Variants in JAK1 observed in about 807,000 individuals in gnomAD.
JAK1 encodes Janus kinase 1.
Under a neutral mutation model 136.6 loss-of-function variants are expected in JAK1, and 16 were observed. That is an observed-to-expected ratio of 0.12 (90% CI 0.08 to 0.18). The LOEUF (loss-of-function observed/expected upper bound fraction) is 0.18. Ranked by LOEUF, JAK1 falls within the 10% of genes least tolerant of loss-of-function variation. JAK1 has a pLI of 1.00. For synonymous variants in JAK1, 492 were observed against 519.5 expected, an observed-to-expected ratio of 0.95 and a Z score of 0.72; for missense variants, 859 against 1,450.1, an observed-to-expected ratio of 0.59 and a Z score of 6.62.
chr1:65,054,393 A>G (rs1361667696), intron 1 of JAK1, among the ~76,000 whole-genome samples: 1 of 152,122 alleles, frequency 6.6e-6, no homozygotes. Flanking sequence ...ATGCTGCTTT[A>G]GTCTCTTATA....
At chr1:64,853,485 T>C (rs564760936) in intron 11 of JAK1, among the ~76,000 whole-genome samples, 2 of 152,184 alleles carry the variant, frequency 1.3e-5, no homozygotes, top group African/African-American at 4.8e-5. Context: ...CTGGGTTATT[T>C]TGAGGACTAA....
intron 1 of JAK1, among the ~76,000 whole-genome samples, chr1:64,925,184 G>T (rs1298238710): frequency 1.3e-5 from 2 of 151,708 alleles, no homozygotes; most frequent in African/African-American, 4.8e-5. Context: ...ATCACCTGAG[G>T]TCAAGAGTTC....
chr1:64,921,962 T>C (rs1049891371), intron 1 of JAK1, among the ~76,000 whole-genome samples: 1 of 151,936 alleles, frequency 6.6e-6, no homozygotes, highest in African/African-American at 2.4e-5. Flanking sequence ...AGTAACTGGC[T>C]GCAAATCACA....
At chr1:64,911,398 T>C (rs1337583905) in intron 1 of JAK1, among the ~76,000 whole-genome samples, 4 of 152,194 alleles carry the variant, frequency 2.6e-5, no homozygotes, top group South Asian at 4.1e-4. Flanking sequence ...CAGAGACATA[T>C]GGTCACTCTC....
intron 1 of JAK1, among the ~76,000 whole-genome samples, chr1:64,931,842 CAG>C (rs1645698920): frequency 6.6e-6 from 1 of 152,036 alleles, no homozygotes; most frequent in Non-Finnish European, 1.5e-5. Flanking sequence ...TGTACACACA[CAG>C]AGATCTAGCT....
intron 2 of JAK1, among the ~76,000 whole-genome samples, chr1:65,007,525 A>G (rs1020993496): frequency 1.3e-5 from 2 of 151,966 alleles, no homozygotes; most frequent in African/African-American, 4.8e-5. Flanking sequence ...CAATGGTGCA[A>G]TCTCAGCTCA....
intron 2 of JAK1, among the ~76,000 whole-genome samples, chr1:64,982,531 C>T (rs1000389848): frequency 6.6e-6 from 1 of 152,098 alleles, no homozygotes; most frequent in African/African-American, 2.4e-5. Flanking sequence ...GAAGGTATGA[C>T]CATTATAAAA....
At chr1:65,000,233 C>T (rs760321779) in intron 2 of JAK1, among the ~76,000 whole-genome samples, 5 of 152,046 alleles carry the variant, frequency 3.3e-5, no homozygotes, top group Non-Finnish European at 2.9e-5. Flanking sequence ...ATGATCCGCC[C>T]GCCTTGGCCA....
rs560795493 is a variant in JAK1, at chr1:65,030,718, G to T, written c.-78+13762C>A. Among the ~76,000 whole-genome samples the T allele has an allele frequency of 4.6e-5, 7 of 152,282 alleles. No homozygotes were observed. In the East Asian group the frequency reaches 1.4e-3, roughly 30 times the overall value. On this transcript the variant is annotated intron_variant, in intron 2 of 25. Transcript: ENST00000671954. The stretch of plus-strand genomic sequence containing the variant: ...AGCTAATTTTTGTATTTTTAGTAGA[G>T]ATGGGGTTTCACCATGTTGGCCAGG...
At chr1:64,850,985 C>T (rs758408364) in intron 11 of JAK1, 75 bp from the exon 12 acceptor site, 5 of 1,017,242 alleles carry the variant, frequency 4.9e-6, no homozygotes, top group East Asian at 2.4e-5. Flanking sequence ...TCTGCTGAGC[C>T]GGGGCCGTGG....
chr1:64,934,431 G>A (rs1295800018), intron 1 of JAK1, among the ~76,000 whole-genome samples: 4 of 152,190 alleles, frequency 2.6e-5, no homozygotes, highest in East Asian at 3.9e-4. Flanking sequence ...ACTGGGAGAC[G>A]TGGCATCACT....
chr1:64,977,430 G>T (rs1253879514), intron 2 of JAK1, among the ~76,000 whole-genome samples: 7 of 151,660 alleles, frequency 4.6e-5, no homozygotes, highest in Non-Finnish European at 8.8e-5. Flanking sequence ...GGGATTACAG[G>T]CATGAGCCAC....
intron 1 of JAK1, among the ~76,000 whole-genome samples, chr1:64,912,965 A>G (rs1350320217): frequency 1.3e-5 from 2 of 152,202 alleles, no homozygotes; most frequent in Non-Finnish European, 2.9e-5. Context: ...ATAAGGTAAA[A>G]TGAGCTTCCA....
At chr1:64,919,543 G>T (rs1290979193) in intron 1 of JAK1, among the ~76,000 whole-genome samples, 6 of 152,154 alleles carry the variant, frequency 3.9e-5, no homozygotes, top group African/African-American at 9.7e-5. Context: ...GTAATGGGAT[G>T]GCTGGGTCAA....
intron 1 of JAK1, among the ~76,000 whole-genome samples, chr1:64,928,795 A>AAAAAAAAAAAAAAAAAAAAAAAAAT (rs1645634637): frequency 8.1e-6 from 1 of 123,738 alleles, no homozygotes; most frequent in Non-Finnish European, 1.6e-5. Flanking sequence ...AAAAAAAAAA[A>AAAAAAAAAAAAAAAAAAAAAAAAAT]ACAAAAAAAA....
rs535170414 is a variant in JAK1 at position 64,934,146 on chromosome 1, C to G, written c.-78+32187G>C. On this transcript the variant is annotated intron_variant, in intron 1 of 24. Coordinates refer to ENST00000342505, the MANE Select transcript of JAK1 (RefSeq NM_002227.4). ...GGAAAACATGGAGAGATGTAAAGGA[C>G]CAAAAGCAACTCCTGTTCCTGGTCA... Among the ~76,000 whole-genome samples, 58 of 152,050 alleles carry G rather than the reference C, an allele frequency of 3.8e-4. 1 individual carries two copies. The highest frequency in any genetic ancestry group is 3.1e-3 in the Admixed American group (48 of 15,252).
chr1:64,856,779 T>C (rs969777708), intron 10 of JAK1, among the ~76,000 whole-genome samples: 1 of 152,158 alleles, frequency 6.6e-6, no homozygotes, highest in Non-Finnish European at 1.5e-5. Flanking sequence ...CCCAGGACAC[T>C]TGGCAGCGCT....
chr1:65,057,321 A>G (rs1307417781), intron 1 of JAK1, among the ~76,000 whole-genome samples: 1 of 152,234 alleles, frequency 6.6e-6, no homozygotes, highest in Non-Finnish European at 1.5e-5. Context: ...TGGCATTGGC[A>G]GAATCCTGGG....
chr1:64,846,508 C>T, intron 14 of JAK1, 141 bp downstream of exon 14: 1 of 644,620 alleles, frequency 1.6e-6, no homozygotes, highest in African/African-American at 1.8e-5. Context: ...AAATGACCTG[C>T]TCAGTCCCTC....
Sources: allele counts gnomAD v4.1 joint callset (sites outside exome capture counted in the v4.1 genomes callset), GRCh38; gene constraint gnomAD v4.1.1; transcripts MANE v1.5; gene names NCBI Gene and HGNC (gene_info 2026-07-23, HGNC 2026-07-21).